The following TENM1 variants were observed in gnomAD, a reference collection of about 807,000 sequenced individuals.
TENM1 encodes teneurin transmembrane protein 1.
A neutral mutation model predicts 174.8 loss-of-function variants in TENM1; 35 were observed. The ratio of observed to expected loss-of-function variants is 0.20; its 90% CI spans 0.15 to 0.27. The LOEUF is 0.27. TENM1 is among the 10% of genes least tolerant of loss of function. The pLI is 1.00. For missense variants in TENM1, 1,633 were observed against 2,130.1 expected, an observed-to-expected ratio of 0.77 and a Z score of 4.59; for synonymous variants, 781 against 798.7, an observed-to-expected ratio of 0.98 and a Z score of 0.37.
chrX:124,926,474 T>C (rs945095988), intron 1 of TENM1, among the ~76,000 whole-genome samples: 1 of 111,882 alleles, frequency 8.9e-6, no homozygotes, highest in African/African-American at 3.3e-5. Flanking sequence ...TATTATTTTT[T>C]TCAATAGCAA....
chrX:125,068,023 C>T, the TENM1 span, among the ~76,000 whole-genome samples: 1 of 111,800 alleles, frequency 8.9e-6, no homozygotes, highest in East Asian at 2.8e-4. Context: ...GTAAAACACA[C>T]TCTGATTTGC....
chrX:124,472,012 T>C (rs1050328667), intron 22 of TENM1, among the ~76,000 whole-genome samples: 3 of 107,562 alleles, frequency 2.8e-5, no homozygotes, highest in Admixed American at 1.0e-4. Context: ...AAAACAATAA[T>C]AAATCTGGTG....
At chrX:124,619,943 A>G (rs775710433) in intron 11 of TENM1, among the ~76,000 whole-genome samples, 1 of 112,099 alleles carries the variant, frequency 8.9e-6, no homozygotes, top group Non-Finnish European at 1.9e-5. Flanking sequence ...CAAGAGTACA[A>G]TCAGCCAACC....
intron 11 of TENM1, among the ~76,000 whole-genome samples, chrX:124,595,696 G>A (rs891172025): frequency 1.4e-4 from 16 of 111,746 alleles, no homozygotes; most frequent in Non-Finnish European, 2.8e-4. Flanking sequence ...CCACATTTCA[G>A]ATTTTCCTTA....
At chrX:124,588,943 G>C (rs1334805395) in intron 11 of TENM1, among the ~76,000 whole-genome samples, 1 of 110,744 alleles carries the variant, frequency 9.0e-6, no homozygotes. Flanking sequence ...ATGTTAAATA[G>C]GAGTGGTGAG....
At chrX:124,714,576 A>T (rs1337179914) in intron 4 of TENM1, among the ~76,000 whole-genome samples, 1 of 111,913 alleles carries the variant, frequency 8.9e-6, no homozygotes, top group Admixed American at 9.4e-5. Flanking sequence ...ACTTATCATC[A>T]TTGTGAAAGT....
chrX:124,645,015 T>C, intron 10 of TENM1, 128 bp downstream of exon 13: 3 of 586,739 alleles, frequency 5.1e-6, no homozygotes, highest in Non-Finnish European at 8.0e-6. Context: ...CTCTGCTGCA[T>C]GTACTAAGAC....
At position 124,497,416 on chromosome X, in the gene TENM1, C is replaced by T. The variant is rs751891961; in HGVS notation, c.3446-151G>A. ...CTGAGAGTGAAACACACACTTTCCT[C>T]GGTTTTGTTTAACTGCATAACCACA... On this transcript the variant is annotated intron_variant, in intron 19 of 31. Coordinates refer to ENST00000422452, the Ensembl canonical transcript of TENM1. 1.6e-5 allele frequency: 9 copies of T among 549,304 alleles called. No individual in the cohort carries two copies. The East Asian group carries it at 1.9e-4, about 11-fold the overall frequency. 45.3% of individuals were successfully genotyped at this position (549,304 alleles called of 1,213,427 possible). A position where few individuals can be genotyped will look rare whatever the true frequency, so the allele number is the denominator to read the frequency against.
At chrX:124,411,227 G>A (rs2239477) in intron 25 of TENM1, among the ~76,000 whole-genome samples, 17,296 of 110,802 alleles carry the variant, frequency 0.16, 1,281 homozygotes, top group East Asian at 0.54. Flanking sequence ...CCATATTGAC[G>A]GTGGTATATT....
intron 3 of TENM1, among the ~76,000 whole-genome samples, chrX:124,790,774 A>G (rs1031772315): frequency 1.8e-5 from 2 of 111,402 alleles, no homozygotes; most frequent in Admixed American, 1.9e-4. Flanking sequence ...TTTGGCTGAA[A>G]GAGTTTTATA....
chrX:124,481,998 A>G (rs2046856779), intron 21 of TENM1, 34 bp from the exon 25 acceptor site: 1 of 978,444 alleles, frequency 1.0e-6, no homozygotes, highest in East Asian at 3.2e-5. Flanking sequence ...ATTCAAGGCA[A>G]TTTTTCAACA....
rs749367447 is a variant in TENM1, at chrX:124,406,617, CAAG to C, written c.4983-131_4983-129del. On this transcript the variant is annotated intron_variant, in intron 25 of 31. Transcript: ENST00000422452. ...GATAACAAGTATTATTAACCTTGTT[CAAG>C]AAGAAGAAAAAGGTCAGAGAGATGA... 3.1e-4 allele frequency: 127 copies of C among 415,515 alleles called. 1 individual carries two copies. In the South Asian group the frequency reaches 7.8e-3, roughly 25 times the overall value. 34.2% of individuals were successfully genotyped at this position (415,515 alleles called of 1,213,427 possible). A position where few individuals can be genotyped will look rare whatever the true frequency, so the allele number is the denominator to read the frequency against.
chrX:124,444,819 A>G (rs1315818904), intron 23 of TENM1, among the ~76,000 whole-genome samples: 2 of 111,206 alleles, frequency 1.8e-5, no homozygotes, highest in Admixed American at 1.9e-4. Flanking sequence ...AACCATGTAA[A>G]ATGAAGTATA....
At chrX:125,171,210 T>C in the TENM1 span, among the ~76,000 whole-genome samples, 1 of 110,327 alleles carries the variant, frequency 9.1e-6, no homozygotes, top group Admixed American at 9.7e-5. Context: ...TTTTAACATA[T>C]AATGTGTGCT....
intron 22 of TENM1, among the ~76,000 whole-genome samples, chrX:124,460,950 T>C (rs770873218): frequency 1.3e-4 from 15 of 111,710 alleles, no homozygotes; most frequent in African/African-American, 4.6e-4. Context: ...AGAGAGCCCA[T>C]TGGCTTTGTT....
chrX:124,435,025 A>T (rs1358522561), intron 23 of TENM1, among the ~76,000 whole-genome samples: 3 of 111,613 alleles, frequency 2.7e-5, no homozygotes, highest in Non-Finnish European at 5.6e-5. Context: ...ACACATACAG[A>T]AGGAGAGGCA....
At chrX:125,102,728 C>T in the TENM1 span, among the ~76,000 whole-genome samples, 1 of 112,480 alleles carries the variant, frequency 8.9e-6, no homozygotes, top group South Asian at 3.6e-4. Context: ...TTTAATGTTT[C>T]AAAGAGAATT....
intron 11 of TENM1, among the ~76,000 whole-genome samples, chrX:124,618,933 G>A (rs1409292326): frequency 1.8e-5 from 2 of 110,741 alleles, no homozygotes; most frequent in Non-Finnish European, 3.8e-5. Flanking sequence ...ATTTTAAAAA[G>A]CTAGCAGGGT....
intron 11 of TENM1, among the ~76,000 whole-genome samples, chrX:124,615,904 C>T (rs2050387836): frequency 8.9e-6 from 1 of 112,325 alleles, no homozygotes; most frequent in Non-Finnish European, 1.9e-5. Flanking sequence ...AGGACATAAA[C>T]ACTTTTTTGC....
Sources: allele counts gnomAD v4.1 joint callset (sites outside exome capture counted in the v4.1 genomes callset), GRCh38; gene constraint gnomAD v4.1.1; transcripts MANE v1.5; gene names NCBI Gene and HGNC (gene_info 2026-07-23, HGNC 2026-07-21).